Variants in NPAS2 observed in about 807,000 individuals in gnomAD.
The protein encoded by NPAS2 is neuronal PAS domain protein 2, also known as neuronal PAS domain-containing protein 2.
In NPAS2, 23 loss-of-function variants were observed where a neutral mutation model predicts 107.5. The ratio of observed to expected loss-of-function variants is 0.21; its 90% CI spans 0.15 to 0.30. The LOEUF (loss-of-function observed/expected upper bound fraction) is 0.30, where lower values mean the gene tolerates loss of function less well. NPAS2 is among the 10% of genes least tolerant of loss of function. NPAS2 has a pLI of 1.00. For synonymous variants in NPAS2, 403 were observed against 417.5 expected (o/e 0.97, Z 0.42); for missense variants, 756 against 1,043.3 (o/e 0.72, Z 3.79).
intron 2 of NPAS2, among the ~76,000 whole-genome samples, chr2:100,918,206 A>G (rs1434250504): frequency 6.6e-6 from 1 of 152,086 alleles, no homozygotes; most frequent in African/African-American, 2.4e-5. Flanking sequence ...TGATGCAGAA[A>G]AAGACTTTGG....
chr2:100,858,162 G>A (rs1050608949), intron 1 of NPAS2, among the ~76,000 whole-genome samples: 6 of 152,208 alleles, frequency 3.9e-5, no homozygotes, highest in African/African-American at 1.4e-4. Context: ...CAGGGACTTT[G>A]CTGTAATTTC....
intron 1 of NPAS2, among the ~76,000 whole-genome samples, chr2:100,886,613 T>C (rs971247347): frequency 2.6e-5 from 4 of 152,198 alleles, no homozygotes; most frequent in Admixed American, 2.6e-4. Flanking sequence ...GGGGAGAAAC[T>C]GAGGCAGAGA....
chr2:100,974,690 G>A, intron 12 of NPAS2, 113 bp from the exon 13 acceptor site: 1 of 1,156,832 alleles, frequency 8.6e-7, no homozygotes, highest in Non-Finnish European at 1.2e-6. Context: ...AAACAACTAT[G>A]GTATTTGTCT....
intron 3 of NPAS2, 116 bp downstream of exon 3, chr2:100,925,410 C>T (rs34705978): frequency 0.16 from 177,071 of 1,095,958 alleles, 14,818 homozygotes; most frequent in South Asian, 0.18. Context: ...CCAGCCTTAC[C>T]GGTCGAGGGC....
intron 1 of NPAS2, among the ~76,000 whole-genome samples, chr2:100,884,971 C>T (rs529545349): frequency 2.7e-5 from 4 of 148,820 alleles, no homozygotes; most frequent in African/African-American, 4.9e-5. Context: ...TTTTTTGAGA[C>T]GGAGTCTCAC....
In NPAS2 at chr2:100,965,028, C is replaced by A; in HGVS notation, c.800+85C>A. On this transcript the variant is annotated intron_variant, in intron 9 of 20. Transcript: ENST00000335681. The surrounding 1 kb of genome is among the most constrained non-coding windows in gnomAD (Gnocchi z 4.3). ...CAGGCTCTCCTTGGGAGAGAAGAGTCGGCCCTGGTCCATTGAAAGAGGAGG... is the reference window on the plus strand; with the variant it reads ...CAGGCTCTCCTTGGGAGAGAAGAGTAGGCCCTGGTCCATTGAAAGAGGAGG... The A allele has an allele frequency of 2.3e-6, 2 of 872,084 alleles. No homozygotes were observed. Among genetic ancestry groups the A allele is most frequent in the African/African-American group, 1.8e-5 (1 of 57,050 alleles). 54.0% of individuals were successfully genotyped at this position (872,084 alleles called of 1,614,324 possible).
chr2:100,952,575 CA>C (rs1354477458), intron 7 of NPAS2, among the ~76,000 whole-genome samples: 1 of 150,796 alleles, frequency 6.6e-6, no homozygotes, highest in Non-Finnish European at 1.5e-5. Flanking sequence ...AAAAAAAAAA[CA>C]AAAAAACAAC....
At chr2:100,890,297 A>G (rs1483055951) in intron 1 of NPAS2, among the ~76,000 whole-genome samples, 1 of 152,194 alleles carries the variant, frequency 6.6e-6, no homozygotes, top group Non-Finnish European at 1.5e-5. Flanking sequence ...AGCTGGCCTC[A>G]GGGCCCAGCC....
At chr2:100,977,865 T>C in intron 15 of NPAS2, 66 bp downstream of exon 15, 2 of 1,374,412 alleles carry the variant, frequency 1.5e-6, no homozygotes, top group Non-Finnish European at 2.1e-6. Flanking sequence ...GCTGCGCTGA[T>C]GGTCTTGTAC....
At chr2:100,948,991 G>A (rs149531371) in intron 6 of NPAS2, among the ~76,000 whole-genome samples, 3 of 152,134 alleles carry the variant, frequency 2.0e-5, no homozygotes, top group Non-Finnish European at 2.9e-5. Flanking sequence ...CTGTCCTGTC[G>A]TACATCTGAT....
intron 1 of NPAS2, among the ~76,000 whole-genome samples, chr2:100,893,251 C>T (rs1250568042): frequency 1.3e-5 from 2 of 152,162 alleles, no homozygotes; most frequent in Non-Finnish European, 2.9e-5. Flanking sequence ...TAATCCAAAA[C>T]GACATGAGGT....
intron 1 of NPAS2, among the ~76,000 whole-genome samples, chr2:100,860,701 G>A (rs967694967): frequency 2.0e-5 from 3 of 152,054 alleles, no homozygotes; most frequent in African/African-American, 7.2e-5. Context: ...TTATTTGGTG[G>A]ATTATAATTA....
At chr2:100,977,644 G>GA (rs1262445328) in intron 14 of NPAS2, 66 bp from the exon 15 acceptor site, 1 of 1,420,496 alleles carries the variant, frequency 7.0e-7, no homozygotes, top group Non-Finnish European at 1.0e-6. Flanking sequence ...ACCGGACCAA[G>GA]AGACCACATC....
At chr2:100,939,272 C>T (rs1674429676) in intron 5 of NPAS2, among the ~76,000 whole-genome samples, 1 of 152,206 alleles carries the variant, frequency 6.6e-6, no homozygotes, top group Non-Finnish European at 1.5e-5. Context: ...TGTTGCTAAG[C>T]AGATGCCTTC....
At position 100,976,253 on chromosome 2, in the gene NPAS2, G is replaced by C. The variant is rs1676997281; in HGVS notation, c.1392+686G>C. ...GATGGTGTCTGCACATGAATGTCCA[G>C]CAGCCGGGCTGGGTGGCTGAGGGCT... On this transcript the variant is annotated intron_variant, in intron 14 of 20. Transcript: ENST00000335681. The surrounding 1 kb of genome is among the most constrained non-coding windows in gnomAD (Gnocchi z 4.1). 6.6e-6 allele frequency among the ~76,000 whole-genome samples: 1 copy of C among 152,086 alleles called. No individual in the cohort carries two copies. The highest frequency in any genetic ancestry group is 2.4e-5 in the African/African-American group (1 of 41,406).
intron 15 of NPAS2, among the ~76,000 whole-genome samples, chr2:100,979,310 C>T (rs746359571): frequency 6.6e-6 from 1 of 151,566 alleles, no homozygotes; most frequent in Non-Finnish European, 1.5e-5. Context: ...AATTAGTAAC[C>T]TTTTAATCCA....
At position 100,974,863 on chromosome 2, in the gene NPAS2, G is replaced by C. The variant is rs753485790; in HGVS notation, c.1201G>C (p.Gly401Arg). 4.3e-6 allele frequency: 7 copies of C among 1,614,104 alleles called. No individual in the cohort carries two copies. The Admixed American group carries it at 1.2e-4, about 27-fold the overall frequency. Residue 401 changes from glycine to arginine, a missense_variant, in exon 13 of 21, where the codon GGC (glycine) becomes CGC (arginine). Around this residue, in one of 4 missense-constraint regions of NPAS2, gnomAD observed 496 missense variants for 594.4 expected, o/e 0.83. Coordinates refer to ENST00000335681, the MANE Select transcript of NPAS2 (RefSeq NM_002518.4). ...TAACACACTCGACGTGGGTGCCTCG[G>C]GCCTTAATACCAGTCATTCGCCATC... The part of the protein sequence containing the change: ...HFNTLDVGAS[G>R]LNTSHSPSAS...
intron 1 of NPAS2, among the ~76,000 whole-genome samples, chr2:100,821,801 A>G (rs1261209294): frequency 1.3e-5 from 2 of 152,212 alleles, no homozygotes; most frequent in Non-Finnish European, 2.9e-5. Flanking sequence ...AAGTTAGCCA[A>G]AAATAACCCC....
At chr2:100,847,613 G>T (rs1010997065) in intron 1 of NPAS2, among the ~76,000 whole-genome samples, 7 of 152,100 alleles carry the variant, frequency 4.6e-5, no homozygotes, top group Non-Finnish European at 1.0e-4. Context: ...CTCGTGATCC[G>T]CCCACCTTGG....
Sources: gnomAD v4.1 joint callset for allele counts (sites outside exome capture counted in the v4.1 genomes callset) on GRCh38, gnomAD v4.1.1 for gene constraint, gnomAD v4.1.1 regional missense constraint, Gnocchi (gnomAD v3.1) non-coding constraint, MANE v1.5 for transcripts, NCBI Gene and HGNC (gene_info 2026-07-23, HGNC 2026-07-21) for gene names.